Variants in GON4L observed in about 807,000 individuals in gnomAD.
The protein encoded by GON4L is gon-4 like.
In GON4L, 87 loss-of-function variants were observed where a neutral mutation model predicts 211.8. The ratio of observed to expected loss-of-function variants is 0.41; its 90% confidence interval spans 0.35 to 0.49. The LOEUF (loss-of-function observed/expected upper bound fraction) is 0.49, where lower values mean the gene tolerates loss of function less well. Ranked by LOEUF, GON4L falls within the 20% of genes least tolerant of loss-of-function variation. The pLI, the probability that GON4L is intolerant of heterozygous loss-of-function variation, is 0.15. For missense variants in GON4L, 2,155 were observed against 2,659.5 expected (o/e 0.81, Z 4.17); for synonymous variants, 875 against 962.6 (o/e 0.91, Z 1.68).
chr1:155,746,748 ACT>A (rs773096669), downstream of GON4L: 15 of 1,410,986 alleles, frequency 1.1e-5, no homozygotes, highest in Admixed American at 2.0e-5. Context: ...ACGCTGGATA[ACT>A]CTGATCAGAG....
At chr1:155,809,117 T>C (rs1393675692) in intron 10 of GON4L, among the ~76,000 whole-genome samples, 1 of 152,014 alleles carries the variant, frequency 6.6e-6, no homozygotes, top group Non-Finnish European at 1.5e-5. Flanking sequence ...TCTCACTATA[T>C]TGCCTAGGCT....
At chr1:155,768,725 G>A (rs936808772) in intron 19 of GON4L, among the ~76,000 whole-genome samples, 11 of 151,484 alleles carry the variant, frequency 7.3e-5, no homozygotes, top group African/African-American at 2.2e-4. Flanking sequence ...GATTATAGGC[G>A]TGAGCCACGG....
chr1:155,790,838 G>C (rs2101958306), intron 12 of GON4L, among the ~76,000 whole-genome samples: 1 of 151,940 alleles, frequency 6.6e-6, no homozygotes, highest in South Asian at 2.1e-4. Flanking sequence ...CAGCTACTCG[G>C]GAGGCTGAGG....
At chr1:155,767,357 C>T (rs1175613484) in intron 20 of GON4L, 68 bp downstream of exon 20, 1 of 1,613,700 alleles carries the variant, frequency 6.2e-7, no homozygotes, top group Non-Finnish European at 8.5e-7. Context: ...TTAAGGAAGC[C>T]CTTGATATTC....
intron 2 of GON4L, among the ~76,000 whole-genome samples, chr1:155,832,279 C>CAAAAAAAAAAAAAAAA (rs71080731): frequency 7.0e-5 from 4 of 57,368 alleles, no homozygotes; most frequent in African/African-American, 7.0e-5. Flanking sequence ...GACTCCGTCT[C>CAAAAAAAAAAAAAAAA]AAAAAAAAAA....
At chr1:155,803,033 C>T (rs1273462762) in intron 11 of GON4L, among the ~76,000 whole-genome samples, 1 of 152,120 alleles carries the variant, frequency 6.6e-6, no homozygotes, top group Non-Finnish European at 1.5e-5. Context: ...AGCTTTTATT[C>T]CATGACCAAA....
rs746926698 is a variant in GON4L at position 155,813,708 on chromosome 1, T to C, written c.1378A>G (p.Ser460Gly). ...GCATGTAACTTCTCCATGAAAGTACTATCTCTGGTCTGTTTCGGCTTTGGA... is the reference window on the plus strand; with the variant it reads ...GCATGTAACTTCTCCATGAAAGTACCATCTCTGGTCTGTTTCGGCTTTGGA... ...PPPKPKQTRD[S>G]TFMEKLHAVD... The change falls in exon 10 of 32, where the codon AGT (serine) becomes GGT (glycine). Residue 460 changes from serine to glycine, a missense_variant. Coordinates refer to ENST00000368331, the MANE Select transcript of GON4L (RefSeq NM_001282860.2). 2.5e-6 allele frequency: 4 copies of C among 1,613,734 alleles called. No homozygotes were observed. The Admixed American group carries it at 6.7e-5, about 27-fold the overall frequency.
At chr1:155,829,388 C>T (rs1353569351) in intron 2 of GON4L, among the ~76,000 whole-genome samples, 1 of 151,998 alleles carries the variant, frequency 6.6e-6, no homozygotes, top group Non-Finnish European at 1.5e-5. Context: ...GGCGGACTGC[C>T]TGAGCTCAGG....
chr1:155,814,470 G>T, intron 8 of GON4L, 21 bp from the exon 9 acceptor site: 1 of 1,611,776 alleles, frequency 6.2e-7, no homozygotes, highest in Non-Finnish European at 8.5e-7. Context: ...AATCCAGTTC[G>T]CCTTAATATT....
chr1:155,858,636 G>GTTTTTTTTTTTTT, upstream of GON4L, among the ~76,000 whole-genome samples: 1 of 107,934 alleles, frequency 9.3e-6, no homozygotes, highest in Non-Finnish European at 1.9e-5. Flanking sequence ...TTCATTAGTT[G>GTTTTTTTTTTTTT]TTTTTTTTTT....
intron 28 of GON4L, 46 bp downstream of exon 28, chr1:155,754,329 C>G (rs184600939): frequency 7.1e-6 from 8 of 1,123,040 alleles, no homozygotes; most frequent in Non-Finnish European, 1.1e-5. Context: ...AGCAAACAAT[C>G]CCCCAGCAGC....
intron 21 of GON4L, 96 bp downstream of exon 21, chr1:155,764,904 A>G (rs749143728): frequency 6.2e-7 from 1 of 1,604,404 alleles, no homozygotes; most frequent in Non-Finnish European, 8.5e-7. Context: ...TGATTTTAGG[A>G]CTATCCATAG....
At chr1:155,762,982 G>C (rs1661995288) in intron 22 of GON4L, among the ~76,000 whole-genome samples, 1 of 151,720 alleles carries the variant, frequency 6.6e-6, no homozygotes, top group South Asian at 2.1e-4. Flanking sequence ...GTTGCAGTGA[G>C]CCAAGATCGC....
Position 155,777,721 on chromosome 1 carries a change from C to A in GON4L, c.1992G>T (p.Leu664=). The change falls in exon 15 of 32, where the codon CTG becomes CTT. Residue 664 remains leucine, a synonymous_variant. Coordinates refer to ENST00000368331, the MANE Select transcript of GON4L (RefSeq NM_001282860.2). ...LKMKKSSAKQ[L]QEVEKVKPQS... ...GGGGTTTAACCTTCTCTACTTCCTG[C>A]AGCTGTTTGGCTGAAGATTTCTTCA... is the stretch of plus-strand genomic sequence containing the variant. 1 of 1,612,506 alleles carries A rather than the reference C, an allele frequency of 6.2e-7. No homozygotes were observed. The highest frequency in any genetic ancestry group is 1.1e-5 in the South Asian group (1 of 91,044).
In GON4L at chr1:155,776,464, G is replaced by A; in HGVS notation, c.2109C>T (p.Thr703=). The A allele has an allele frequency of 6.2e-7, 1 of 1,612,404 alleles. No individual in the cohort carries two copies. Among genetic ancestry groups the A allele is most frequent in the Non-Finnish European group, 8.5e-7 (1 of 1,178,472 alleles). The part of the protein sequence containing the change: ...QQMQQHVQLL[T]QIHLLATCNP... ...TGCAGGTGGCAAGAAGGTGGATTTG[G>A]GTCAAGAGCTGAACGTGCTGGGGAT... The change falls in exon 16 of 32, where the codon ACC becomes ACT. Residue 703 remains threonine, a synonymous_variant. Coordinates refer to ENST00000368331, the MANE Select transcript of GON4L (RefSeq NM_001282860.2).
intron 2 of GON4L, 60 bp from the exon 3 acceptor site, chr1:155,827,088 G>C: frequency 3.2e-6 from 4 of 1,232,330 alleles, no homozygotes; most frequent in Non-Finnish European, 2.4e-6. Context: ...CTCTGTTGTA[G>C]AATTTAGCAT....
chr1:155,832,557 T>C (rs986111845), intron 2 of GON4L, among the ~76,000 whole-genome samples: 1 of 152,110 alleles, frequency 6.6e-6, no homozygotes, highest in Non-Finnish European at 1.5e-5. Flanking sequence ...GAGAATTGCT[T>C]GAACCTAGGA....
chr1:155,776,245 A>C, intron 16 of GON4L, 150 bp downstream of exon 16: 1 of 709,920 alleles, frequency 1.4e-6, no homozygotes, highest in Non-Finnish European at 2.6e-6. Flanking sequence ...CTCAGCAAAC[A>C]CAGGAAGCCT....
upstream of GON4L, among the ~76,000 whole-genome samples, chr1:155,857,496 G>A (rs1672389761): frequency 6.6e-6 from 1 of 152,234 alleles, no homozygotes; most frequent in Non-Finnish European, 1.5e-5. Flanking sequence ...TTGGGAGACG[G>A]AGGCGGGCGG....
Sources: gnomAD v4.1 joint callset for allele counts (sites outside exome capture counted in the v4.1 genomes callset) on GRCh38, gnomAD v4.1.1 for gene constraint, MANE v1.5 for transcripts, NCBI Gene and HGNC (gene_info 2026-07-23, HGNC 2026-07-21) for gene names.